SERPINB8: variants seen among roughly 807,000 people sequenced by gnomAD.
SERPINB8 encodes the protein serpin family B member 8, also known as serpin B8.
Under a neutral mutation model 35.3 loss-of-function variants are expected in SERPINB8, and 25 were observed. The observed-to-expected ratio is 0.71, with a 90% CI of 0.52 to 0.99. The LOEUF (loss-of-function observed/expected upper bound fraction) is 0.99, where lower values mean the gene tolerates loss of function less well. Among genes scored for constraint, SERPINB8 ranks in the 50% least tolerant of loss-of-function variants. The pLI is 0.00. For missense variants in SERPINB8, 484 were observed against 446.5 expected, an observed-to-expected ratio of 1.08 and a Z score of -0.76; for synonymous variants, 186 against 160.8, an observed-to-expected ratio of 1.16 and a Z score of -1.19.
At chr18:63,997,854 T>C (rs892768536) in intron 1 of SERPINB8, among the ~76,000 whole-genome samples, 10 of 152,226 alleles carry the variant, frequency 6.6e-5, no homozygotes, top group African/African-American at 2.4e-4. Flanking sequence ...GAGAGCTCCC[T>C]ATGCTGACAA....
At chr18:64,013,780 G>A (rs7228775) in intron 7 of SERPINB8, among the ~76,000 whole-genome samples, 90,030 of 151,898 alleles carry the variant, frequency 0.59, 26,987 homozygotes, top group East Asian at 0.69. Flanking sequence ...AAGGTGTTCC[G>A]GAAAGAAGGA....
At chr18:63,976,077 T>G (rs1205339491) in intron 1 of SERPINB8, among the ~76,000 whole-genome samples, 1 of 152,230 alleles carries the variant, frequency 6.6e-6, no homozygotes, top group Non-Finnish European at 1.5e-5. Context: ...CATTTGCTAA[T>G]TTTCCAAACT....
intron 7 of SERPINB8, among the ~76,000 whole-genome samples, chr18:64,012,212 T>A (rs1237079224): frequency 6.6e-6 from 1 of 152,214 alleles, no homozygotes; most frequent in Non-Finnish European, 1.5e-5. Context: ...AAATAACAAT[T>A]CAAGTGGATG....
chr18:64,005,243 A>T (rs1250355989), exon 2 of SERPINB8: 1 of 169,840 alleles, frequency 5.9e-6, no homozygotes, highest in African/African-American at 2.4e-5. Context: ...GAATTCTCCT[A>T]CATTTTTCTT....
Position 63,987,410 on chromosome 18 carries a change from T to C in SERPINB8, c.*132T>C. On this transcript the variant is annotated 3_prime_UTR_variant, in exon 7 of 7. Coordinates refer to ENST00000397985, the MANE Select transcript of SERPINB8 (RefSeq NM_002640.4). ...GTGTGCACTGGATAGTGTGTGAAAG[T>C]CTTTGCTGAAAGTTCCAGAGCCATT... is the stretch of plus-strand genomic sequence containing the variant. 1 of 987,816 alleles carries C rather than the reference T, an allele frequency of 1.0e-6. No individual in the cohort carries two copies. The highest frequency in any genetic ancestry group is 1.5e-6 in the Non-Finnish European group (1 of 674,028). 61.2% of individuals were successfully genotyped at this position (987,816 alleles called of 1,614,324 possible). A position where few individuals can be genotyped will look rare whatever the true frequency, so the allele number is the denominator to read the frequency against.
In SERPINB8 at chr18:63,987,214, T is replaced by G. The variant is rs776674648; in HGVS notation, c.1061T>G (p.Leu354Arg). ...EPRFCADHPF[L>R]FFIRHHKTNC... Reference sequence around the variant, plus strand: ...AGATTCTGTGCAGACCACCCTTTTCTTTTCTTCATCAGGCACCACAAAACC... The same window carrying G: ...AGATTCTGTGCAGACCACCCTTTTCGTTTCTTCATCAGGCACCACAAAACC... The change falls in exon 7 of 7, where the codon CTT becomes CGT. Residue 354 changes from leucine to arginine, a missense_variant. Coordinates refer to ENST00000397985, the MANE Select transcript of SERPINB8 (RefSeq NM_002640.4). 1.2e-6 allele frequency: 2 copies of G among 1,614,022 alleles called. No homozygotes were observed. Among genetic ancestry groups the G allele is most frequent in the Non-Finnish European group, 1.7e-6 (2 of 1,180,014 alleles).
downstream of SERPINB8, among the ~76,000 whole-genome samples, chr18:63,993,704 A>G (rs56220771): frequency 0.026 from 3,962 of 152,280 alleles, 124 homozygotes; most frequent in African/African-American, 0.072. Context: ...AAAATCCCAT[A>G]TGTGATCCCA....
downstream of SERPINB8, among the ~76,000 whole-genome samples, chr18:63,993,180 TTAA>T (rs2050833058): frequency 6.6e-6 from 1 of 152,158 alleles, no homozygotes; most frequent in African/African-American, 2.4e-5. Context: ...TTCTTGGTTT[TTAA>T]TATAGGTGTT....
chr18:63,972,890 T>C (rs999587266), intron 1 of SERPINB8, among the ~76,000 whole-genome samples: 24 of 152,206 alleles, frequency 1.6e-4, no homozygotes, highest in African/African-American at 5.1e-4. Flanking sequence ...CAGTCTATCA[T>C]TGATGGACAT....
At chr18:63,976,970 C>T (rs2050592240) in intron 1 of SERPINB8, among the ~76,000 whole-genome samples, 2 of 151,964 alleles carry the variant, frequency 1.3e-5, no homozygotes, top group South Asian at 4.2e-4. Context: ...TCAAACAAAC[C>T]CTCCAAATTT....
Position 64,012,590 on chromosome 18 carries a change from T to C in SERPINB8, c.*3-6320T>C, listed in dbSNP as rs72945666. On this transcript the variant is annotated intron_variant, in intron 7 of 7. Transcript: ENST00000636430. ...GTATGTATGTGTGTGTGTGTGTGTG[T>C]GCGTGTGTGTGTAATGACTTCTTGA... Among the ~76,000 whole-genome samples the C allele has an allele frequency of 3.4e-3, 509 of 151,196 alleles. 4 individuals are homozygous for C. The highest frequency in any genetic ancestry group is 0.01 in the African/African-American group (433 of 41,308).
intron 3 of SERPINB8, among the ~76,000 whole-genome samples, chr18:63,981,438 GT>G (rs1252489473): frequency 1.3e-5 from 2 of 152,210 alleles, no homozygotes; most frequent in Admixed American, 1.3e-4. Context: ...GGATGCTCCT[GT>G]GATGTTTTGT....
At chr18:64,017,671 A>G (rs997838800) in intron 7 of SERPINB8, among the ~76,000 whole-genome samples, 1 of 152,212 alleles carries the variant, frequency 6.6e-6, no homozygotes, top group Non-Finnish European at 1.5e-5. Context: ...AACACCTAAT[A>G]AGGAGCAAAG....
Position 63,970,130 on chromosome 18 carries a change from A to AGCGGCGGCGGCGGCG in SERPINB8, c.-45_-31dup, listed in dbSNP as rs113130158. ...ACAAAGGAGGAATAGTCAAAGCAGC[A>AGCGGCGGCGGCGGCG]GCGGCGGCGGCGGCGGCGGCAGCAG... On this transcript the variant is annotated 5_prime_UTR_variant, in exon 1 of 7. Transcript: ENST00000397985. 2.9e-4 allele frequency: 99 copies of AGCGGCGGCGGCGGCG among 343,892 alleles called. 17 individuals carry two copies. The Middle Eastern group carries it at 3.9e-3, about 13-fold the overall frequency. 21.3% of individuals were successfully genotyped at this position (343,892 alleles called of 1,614,324 possible).
At chr18:63,998,233 C>G (rs79156987) in intron 1 of SERPINB8, among the ~76,000 whole-genome samples, 1 of 152,180 alleles carries the variant, frequency 6.6e-6, no homozygotes, top group Non-Finnish European at 1.5e-5. Context: ...GATGAGTTCT[C>G]TGTATTTGGA....
chr18:63,989,577 A>G (rs1168179209), downstream of SERPINB8, among the ~76,000 whole-genome samples: 1 of 152,134 alleles, frequency 6.6e-6, no homozygotes, highest in Non-Finnish European at 1.5e-5. Flanking sequence ...TGGTACTACC[A>G]GTGTTGTTAC....
chr18:63,983,869 C>A, intron 5 of SERPINB8, 148 bp downstream of exon 5: 1 of 616,734 alleles, frequency 1.6e-6, no homozygotes, highest in Non-Finnish European at 2.6e-6. Flanking sequence ...TTCTTTGAGA[C>A]AGGGTCTCTT....
chr18:63,995,330 G>A (rs141149595), intron 1 of SERPINB8, among the ~76,000 whole-genome samples: 5 of 152,342 alleles, frequency 3.3e-5, no homozygotes, highest in Non-Finnish European at 7.4e-5. Flanking sequence ...AGAGTTCAGT[G>A]AGGAGGTGGG....
intron 1 of SERPINB8, among the ~76,000 whole-genome samples, chr18:64,002,840 AGTCGCCGCCGTCTGTG>A (rs1057511707): frequency 2.0e-5 from 3 of 152,008 alleles, no homozygotes; most frequent in East Asian, 1.9e-4. Flanking sequence ...CGCCGCCTGC[AGTCGCCGCCGTCTGTG>A]GTCGCCGCCG....
Sources: allele counts gnomAD v4.1 joint callset (sites outside exome capture counted in the v4.1 genomes callset), GRCh38; gene constraint gnomAD v4.1.1; transcripts MANE v1.5; gene names NCBI Gene and HGNC (gene_info 2026-07-23, HGNC 2026-07-21).